ADGRA3: variants seen among roughly 807,000 people sequenced by gnomAD.
The protein encoded by ADGRA3 is adhesion G protein-coupled receptor A3.
ADGRA3 carries 56 observed loss-of-function variants against 119.8 expected under a neutral mutation model. The observed-to-expected ratio is 0.47, with a 90% CI of 0.38 to 0.58. The LOEUF is 0.58. ADGRA3 is among the 20% of genes least tolerant of loss of function. The probability of loss-of-function intolerance (pLI) is 0.00; values close to 1 mark genes in which losing one functional copy is unlikely to be tolerated. For missense variants in ADGRA3, 1,516 were observed against 1,649.0 expected (o/e 0.92, Z 1.40); for synonymous variants, 607 against 623.8 (o/e 0.97, Z 0.40).
intron 1 of ADGRA3, among the ~76,000 whole-genome samples, chr4:22,491,373 C>T (rs956662515): frequency 2.0e-5 from 3 of 152,110 alleles, no homozygotes; most frequent in Non-Finnish European, 4.4e-5. Context: ...TTTTTATTGA[C>T]AAAAATCAAA....
intron 1 of ADGRA3, among the ~76,000 whole-genome samples, chr4:22,482,918 A>C (rs1376587490): frequency 6.6e-6 from 1 of 152,134 alleles, no homozygotes; most frequent in East Asian, 1.9e-4. Context: ...AGACGTCTAG[A>C]GGATCTGCCT....
intron 4 of ADGRA3, among the ~76,000 whole-genome samples, chr4:22,448,859 A>AG: frequency 6.6e-6 from 1 of 152,306 alleles, no homozygotes; most frequent in East Asian, 1.9e-4. Flanking sequence ...AATTGAAAGG[A>AG]GGAAAGGGAA....
intron 1 of ADGRA3, among the ~76,000 whole-genome samples, chr4:22,476,216 T>A (rs1381788474): frequency 6.6e-6 from 1 of 152,012 alleles, no homozygotes; most frequent in Non-Finnish European, 1.5e-5. Flanking sequence ...GACTCAAAGC[T>A]CACTTCCGGA....
At chr4:22,395,625 C>G (rs1213344280) in intron 16 of ADGRA3, among the ~76,000 whole-genome samples, 1 of 152,168 alleles carries the variant, frequency 6.6e-6, no homozygotes, top group African/African-American at 2.4e-5. Flanking sequence ...CCTTTCTTCT[C>G]CCCTACGGTG....
chr4:22,422,039 C>T (rs928111888), intron 11 of ADGRA3, among the ~76,000 whole-genome samples: 14 of 151,966 alleles, frequency 9.2e-5, no homozygotes, highest in Admixed American at 6.6e-5. Flanking sequence ...CCAAAACATA[C>T]AACCTGTCAA....
At chr4:22,424,433 G>C (rs1715849155) in intron 10 of ADGRA3, 81 bp from the exon 11 acceptor site, 1 of 1,463,138 alleles carries the variant, frequency 6.8e-7, no homozygotes, top group African/African-American at 1.4e-5. Flanking sequence ...CTAATGGACA[G>C]TGAGATTGGC....
Position 22,473,764 on chromosome 4 carries a change from A to G in ADGRA3, c.329+8T>C. 1 of 1,523,620 alleles carries G rather than the reference A, an allele frequency of 6.6e-7. No homozygotes were observed. 94.4% of individuals were successfully genotyped at this position (1,523,620 alleles called of 1,614,324 possible). On this transcript the variant is annotated splice_region_variant and intron_variant, in intron 2 of 18. Coordinates refer to ENST00000334304, the MANE Select transcript of ADGRA3 (RefSeq NM_145290.4). The stretch of plus-strand genomic sequence containing the variant: ...ATAATAATGAGATGATAATTAAAGA[A>G]TACTCACAATCTTTCAAGGAGACTT...
chr4:22,500,525 TAC>T (rs1452000775), intron 1 of ADGRA3, among the ~76,000 whole-genome samples: 2 of 116,688 alleles, frequency 1.7e-5, no homozygotes, highest in East Asian at 4.4e-4. Flanking sequence ...CAAAGAGCTC[TAC>T]AGACACCTGA....
At chr4:22,394,715 G>A (rs1018089907) in intron 16 of ADGRA3, 1 of 152,134 alleles carries the variant, frequency 6.6e-6, no homozygotes, top group African/African-American at 2.4e-5. Flanking sequence ...CCACATAGGA[G>A]GTGTCAAACA....
rs536987836 is a variant in ADGRA3, at chr4:22,459,638, T to TA, written c.401+2098dup. ...AATACTACAGAAAACCAGTAAGACA[T>TA]AAAAAAAATACCCACACACACTGGA... On this transcript the variant is annotated intron_variant, in intron 3 of 18. Coordinates refer to ENST00000334304, the MANE Select transcript of ADGRA3 (RefSeq NM_145290.4). Among the ~76,000 whole-genome samples, 379 of 146,288 alleles carry TA rather than the reference T, an allele frequency of 2.6e-3. 2 individuals are homozygous for TA. Among genetic ancestry groups the TA allele is most frequent in the African/African-American group, 8.6e-3 (342 of 39,670 alleles).
rs1348693551 is a variant in ADGRA3, at chr4:22,450,949, AAAATAT to A, written c.474-3444_474-3439del. ...CTGGATATAACAGAAAAAAAAAAAA[AAAATAT>A]ATATATATATATATATACACCAGAT... On this transcript the variant is annotated intron_variant, in intron 4 of 18. Coordinates refer to ENST00000334304, the MANE Select transcript of ADGRA3 (RefSeq NM_145290.4). 9.9e-3 allele frequency among the ~76,000 whole-genome samples: 1,313 copies of A among 133,202 alleles called. 12 individuals are homozygous for A. Among genetic ancestry groups the A allele is most frequent in the African/African-American group, 0.034 (1,173 of 34,528 alleles). 87.4% of individuals were successfully genotyped at this position (133,202 alleles called of 152,430 possible).
chr4:22,455,312 G>A (rs187618274), intron 3 of ADGRA3, among the ~76,000 whole-genome samples: 1 of 152,148 alleles, frequency 6.6e-6, no homozygotes, highest in African/African-American at 2.4e-5. Context: ...TTGGAGAACT[G>A]AGCCCAAACT....
rs1308926841 is a variant in ADGRA3 at position 22,447,516 on chromosome 4, AAGAC to A, written c.474-9_474-6del. The stretch of plus-strand genomic sequence containing the variant: ...AACAAATTCCCCGAAAGGTTTCTGA[AAGAC>A]AGAAAACAATTTCACTTTTAAAAAT... On this transcript the variant is annotated splice_region_variant and splice_polypyrimidine_tract_variant and intron_variant, in intron 4 of 18. Coordinates refer to ENST00000334304, the MANE Select transcript of ADGRA3 (RefSeq NM_145290.4). The A allele has an allele frequency of 9.9e-6, 15 of 1,520,868 alleles. No individual in the cohort carries two copies. The highest frequency in any genetic ancestry group is 1.3e-5 in the Non-Finnish European group (15 of 1,121,006). The allele number at this position is 1,520,868 out of a possible 1,614,324, so 94.2% of individuals were successfully genotyped here. A position where few individuals can be genotyped will look rare whatever the true frequency, so the allele number is the denominator to read the frequency against.
intron 16 of ADGRA3, among the ~76,000 whole-genome samples, chr4:22,399,963 C>T (rs1406676128): frequency 6.6e-6 from 1 of 152,180 alleles, no homozygotes; most frequent in Non-Finnish European, 1.5e-5. Flanking sequence ...CTTTAATACA[C>T]ATTTTAATTT....
chr4:22,434,545 G>A (rs1716317225), intron 10 of ADGRA3, among the ~76,000 whole-genome samples: 1 of 152,062 alleles, frequency 6.6e-6, no homozygotes, highest in Non-Finnish European at 1.5e-5. Flanking sequence ...ACTTGCTTGA[G>A]GTTCCCTCTA....
chr4:22,452,816 T>C (rs1717096294), intron 4 of ADGRA3, among the ~76,000 whole-genome samples: 1 of 152,142 alleles, frequency 6.6e-6, no homozygotes, highest in African/African-American at 2.4e-5. Flanking sequence ...CTATTTTGTT[T>C]TTCATTACTT....
intron 16 of ADGRA3, 37 bp downstream of exon 16, chr4:22,401,394 G>A (rs1160746883): frequency 2.6e-6 from 4 of 1,551,490 alleles, no homozygotes; most frequent in South Asian, 2.5e-5. Context: ...TCTAATACCA[G>A]TAATTTTTTC....
chr4:22,401,269 A>G (rs1714625973), intron 16 of ADGRA3, among the ~76,000 whole-genome samples, 162 bp downstream of exon 16: 1 of 152,216 alleles, frequency 6.6e-6, no homozygotes, highest in Admixed American at 6.5e-5. Flanking sequence ...GGTAATTTAA[A>G]ACAGGAAGTA....
Position 22,435,410 on chromosome 4 carries a change from A to T in ADGRA3, c.1344T>A (p.Thr448=), listed in dbSNP as rs1210032818. Residue 448 remains threonine, a synonymous_variant, in exon 10 of 19, where the codon ACT becomes ACA. Coordinates refer to ENST00000334304, the MANE Select transcript of ADGRA3 (RefSeq NM_145290.4). ...VATARQLLAY[T]VEAANFSDKM... ...TGTCAGAAAAGTTGGCTGCTTCCAC[A>T]GTGTAAGCCAGTAACTGTCGAGCTG... 2.5e-6 allele frequency: 4 copies of T among 1,612,680 alleles called. No individual in the cohort carries two copies. In the Admixed American group the frequency reaches 6.7e-5, roughly 27 times the overall value.
Sources: gnomAD v4.1 joint callset for allele counts (sites outside exome capture counted in the v4.1 genomes callset) on GRCh38, gnomAD v4.1.1 for gene constraint, MANE v1.5 for transcripts, NCBI Gene and HGNC (gene_info 2026-07-23, HGNC 2026-07-21) for gene names.